MGAT4A: variants seen among roughly 807,000 people sequenced by gnomAD.
MGAT4A encodes the protein N-acetylglucosaminyltransferase IVa.
In MGAT4A, 33 loss-of-function variants were observed where a neutral mutation model predicts 74.1. The ratio of observed to expected loss-of-function variants is 0.45; its 90% CI spans 0.34 to 0.60. The LOEUF (loss-of-function observed/expected upper bound fraction) is 0.60. MGAT4A is among the 20% of genes least tolerant of loss of function. The pLI is 0.02. For synonymous variants in MGAT4A, 198 were observed against 210.4 expected, an observed-to-expected ratio of 0.94 and a Z score of 0.51; for missense variants, 479 against 628.3, an observed-to-expected ratio of 0.76 and a Z score of 2.54.
chr2:98,690,390 A>C (rs1226799207), intron 2 of MGAT4A, among the ~76,000 whole-genome samples: 2 of 152,164 alleles, frequency 1.3e-5, no homozygotes, highest in Non-Finnish European at 1.5e-5. Flanking sequence ...GACTTACGGG[A>C]AACTGACCTC....
intron 2 of MGAT4A, among the ~76,000 whole-genome samples, chr2:98,719,119 G>C (rs1702630712): frequency 6.6e-6 from 1 of 152,204 alleles, no homozygotes; most frequent in Non-Finnish European, 1.5e-5. Flanking sequence ...TAGAGTGTGG[G>C]AGCTAGCTTG....
chr2:98,683,744 A>T (rs1246534995), intron 2 of MGAT4A, among the ~76,000 whole-genome samples: 2 of 152,328 alleles, frequency 1.3e-5, no homozygotes, highest in East Asian at 3.9e-4. Flanking sequence ...AAGAATAAGC[A>T]GTCCCAGTAG....
rs1313557711 is a variant in MGAT4A at position 98,624,372 on chromosome 2, ATTCT to A, written c.*1190_*1193del. On this transcript the variant is annotated 3_prime_UTR_variant, in exon 16 of 16. Coordinates refer to ENST00000393487, the MANE Select transcript of MGAT4A (RefSeq NM_012214.3). ...ATCACTGATTGCTGAGACCGGTAAT[ATTCT>A]TTGTTTATAGTAGTAATATCATTTG... 3 of 962,042 alleles carry A rather than the reference ATTCT, an allele frequency of 3.1e-6. No individual in the cohort carries two copies. Among genetic ancestry groups the A allele is most frequent in the African/African-American group, 3.5e-5 (2 of 56,726 alleles). 59.6% of individuals were successfully genotyped at this position (962,042 alleles called of 1,614,324 possible).
chr2:98,621,788 T>C lies in MGAT4A; in HGVS notation c.*3778A>G. 9.0e-7 allele frequency: 1 copy of C among 1,107,772 alleles called. No homozygotes were observed. The highest frequency in any genetic ancestry group is 1.6e-5 in the African/African-American group (1 of 61,446). The allele number at this position is 1,107,772 out of a possible 1,614,324, so 68.6% of individuals were successfully genotyped here. On this transcript the variant is annotated 3_prime_UTR_variant, in exon 16 of 16. Coordinates refer to ENST00000393487, the MANE Select transcript of MGAT4A (RefSeq NM_012214.3). Reference sequence around the variant, plus strand: ...CTGTTGGGAGACAACCTCTTTTTCATTATTATGATAGATTTTTTAAAGGCC... The same window carrying C: ...CTGTTGGGAGACAACCTCTTTTTCACTATTATGATAGATTTTTTAAAGGCC...
Position 98,717,935 on chromosome 2 carries a change from C to T in MGAT4A, c.94+8304G>A, listed in dbSNP as rs115802388. The stretch of plus-strand genomic sequence containing the variant: ...AGTCCTAGACTTAGTATTAATTTTC[C>T]TTATATCGTATTTGAAAGCAGCTTT... On this transcript the variant is annotated intron_variant, in intron 2 of 15. Transcript: ENST00000393487. 5.2e-3 allele frequency among the ~76,000 whole-genome samples: 799 copies of T among 152,304 alleles called. 7 individuals are homozygous for T. The highest frequency in any genetic ancestry group is 0.018 in the African/African-American group (758 of 41,546).
chr2:98,621,339 G>T lies in MGAT4A; in HGVS notation c.*4227C>A. 6.7e-7 allele frequency: 1 copy of T among 1,500,596 alleles called. No individual in the cohort carries two copies. Among genetic ancestry groups the T allele is most frequent in the Non-Finnish European group, 8.9e-7 (1 of 1,121,132 alleles). 93.0% of individuals were successfully genotyped at this position (1,500,596 alleles called of 1,614,324 possible). ...GCTGAATTCAGTTCCCGTGGCTGTA[G>T]GACTGCAGTTCCCAGCTCCTTTGCT... is the stretch of plus-strand genomic sequence containing the variant. On this transcript the variant is annotated 3_prime_UTR_variant, in exon 16 of 16. Transcript: ENST00000393487.
In MGAT4A at chr2:98,726,478, C is replaced by T; in HGVS notation, c.-146G>A. On this transcript the variant is annotated 5_prime_UTR_variant, in exon 2 of 16. Transcript: ENST00000393487. ...AGAGAGGTTCATTTCAGATGATCTG[C>T]AGGAGGAGCCTAGCAGCAATGCTGT... 1.7e-6 allele frequency: 1 copy of T among 597,636 alleles called. No individual in the cohort carries two copies. The allele number at this position is 597,636 out of a possible 1,614,324, so 37.0% of individuals were successfully genotyped here. A position where few individuals can be genotyped will look rare whatever the true frequency, so the allele number is the denominator to read the frequency against.
At chr2:98,629,689 AATTACAAT>A (rs1490503028) in intron 14 of MGAT4A, among the ~76,000 whole-genome samples, 2 of 152,190 alleles carry the variant, frequency 1.3e-5, no homozygotes, top group African/African-American at 4.8e-5. Flanking sequence ...TGGCCAAATA[AATTACAAT>A]ATGCTGATAC....
rs543635814 is a variant in MGAT4A, at chr2:98,702,430, T to G, written c.94+23809A>C. 1.2e-3 allele frequency among the ~76,000 whole-genome samples: 188 copies of G among 152,164 alleles called. 6 individuals are homozygous for G. The South Asian group carries it at 0.038, about 31-fold the overall frequency. On this transcript the variant is annotated intron_variant, in intron 2 of 15. Coordinates refer to ENST00000393487, the MANE Select transcript of MGAT4A (RefSeq NM_012214.3). ...AGACTTAATAGGGAGGCCTTGAAAA[T>G]GAGATGGCTGTAGGGGGCTTATAAA...
chr2:98,639,273 G>A (rs183243929), intron 12 of MGAT4A, among the ~76,000 whole-genome samples: 1 of 151,188 alleles, frequency 6.6e-6, no homozygotes, highest in Non-Finnish European at 1.5e-5. Context: ...GCGACAGAGC[G>A]AGACTGTCTC....
chr2:98,701,700 CA>C lies in MGAT4A; in HGVS notation c.95-23230del, dbSNP rs574451753. On this transcript the variant is annotated intron_variant, in intron 2 of 15. Transcript: ENST00000393487. ...AAATCGGCAAACTTTAACATATCAGCAAGAAAGGCTGCTGACCAATTTGGCA... is the reference window on the plus strand; with the variant it reads ...AAATCGGCAAACTTTAACATATCAGCAGAAAGGCTGCTGACCAATTTGGCA... Among the ~76,000 whole-genome samples the C allele has an allele frequency of 3.0e-4, 45 of 152,282 alleles. No individual in the cohort carries two copies. In the East Asian group the frequency reaches 8.3e-3, roughly 28 times the overall value.
chr2:98,711,812 A>AT (rs1047721174), intron 2 of MGAT4A, among the ~76,000 whole-genome samples: 5 of 152,024 alleles, frequency 3.3e-5, no homozygotes, highest in Non-Finnish European at 7.4e-5. Context: ...TAATTTTTAC[A>AT]TTTTTTGTAG....
At chr2:98,710,639 T>C (rs906760582) in intron 2 of MGAT4A, among the ~76,000 whole-genome samples, 6 of 152,056 alleles carry the variant, frequency 3.9e-5, no homozygotes, top group African/African-American at 1.4e-4. Context: ...TTTGTATTTT[T>C]AGTACAGATG....
chr2:98,689,704 T>C (rs1295303501), intron 2 of MGAT4A, among the ~76,000 whole-genome samples: 1 of 152,192 alleles, frequency 6.6e-6, no homozygotes, highest in East Asian at 1.9e-4. Context: ...ACGCCTGTAG[T>C]CCCAGCTACT....
intron 4 of MGAT4A, among the ~76,000 whole-genome samples, chr2:98,665,763 C>T (rs752125638): frequency 2.0e-5 from 3 of 152,204 alleles, no homozygotes; most frequent in Admixed American, 6.5e-5. Flanking sequence ...CCCTGTAAGT[C>T]GTGTGGTCAC....
At chr2:98,669,340 G>A (rs547722518) in intron 4 of MGAT4A, among the ~76,000 whole-genome samples, 9 of 152,234 alleles carry the variant, frequency 5.9e-5, no homozygotes, top group Admixed American at 3.3e-4. Context: ...GAGTTCCCTT[G>A]CACAAGCTTG....
At chr2:98,639,525 G>A (rs1701373045) in intron 12 of MGAT4A, among the ~76,000 whole-genome samples, 1 of 151,996 alleles carries the variant, frequency 6.6e-6, no homozygotes, top group Non-Finnish European at 1.5e-5. Context: ...ACTAATTTGA[G>A]ATTTTCGAGA....
At chr2:98,654,621 C>T (rs967370580) in intron 8 of MGAT4A, among the ~76,000 whole-genome samples, 7 of 151,676 alleles carry the variant, frequency 4.6e-5, no homozygotes, top group African/African-American at 1.7e-4. Flanking sequence ...AATTTTTCTA[C>T]AAAACATTTC....
At chr2:98,648,722 CA>C (rs1339443335) in intron 8 of MGAT4A, among the ~76,000 whole-genome samples, 7,475 of 121,482 alleles carry the variant, frequency 0.062, 309 homozygotes, top group African/African-American at 0.13. Flanking sequence ...ACCCTGTCTC[CA>C]AAAAAAAAAA....
Sources: gnomAD v4.1 joint callset for allele counts (sites outside exome capture counted in the v4.1 genomes callset) on GRCh38, gnomAD v4.1.1 for gene constraint, MANE v1.5 for transcripts, NCBI Gene and HGNC (gene_info 2026-07-23, HGNC 2026-07-21) for gene names.